The following ZNRF1 variants were observed in gnomAD, a reference collection of about 807,000 sequenced individuals.
ZNRF1 encodes the protein E3 ubiquitin-protein ligase ZNRF1.
ZNRF1 carries 3 observed loss-of-function variants against 18.4 expected under a neutral mutation model. That is an observed-to-expected ratio of 0.16 (90% CI 0.07 to 0.42). The LOEUF (loss-of-function observed/expected upper bound fraction) is 0.42. ZNRF1 is among the 10% of genes least tolerant of loss of function. The pLI, the probability that ZNRF1 is intolerant of heterozygous loss-of-function variation, is 0.99. For missense variants in ZNRF1, 310 were observed against 329.8 expected, an observed-to-expected ratio of 0.94 and a Z score of 0.47; for synonymous variants, 157 against 144.2, an observed-to-expected ratio of 1.09 and a Z score of -0.64.
chr16:75,031,140 T>C (rs983034176), intron 1 of ZNRF1, among the ~76,000 whole-genome samples: 2 of 149,734 alleles, frequency 1.3e-5, no homozygotes, highest in Non-Finnish European at 3.0e-5. Context: ...CCCACCTGTT[T>C]TTTTTTTTTT....
chr16:75,109,040 C>T lies in ZNRF1; in HGVS notation c.*1340C>T, dbSNP rs78114023. The T allele has an allele frequency of 0.023, 3,566 of 153,628 alleles. 160 individuals carry two copies. The highest frequency in any genetic ancestry group is 0.082 in the African/African-American group (3,422 of 41,622). 9.5% of individuals were successfully genotyped at this position (153,628 alleles called of 1,614,324 possible). ...GGATGTGGGTTCTTCCAGGTGTGGG[C>T]CCAGCCCCCCTCCTTCCAGCCTTTG... On this transcript the variant is annotated 3_prime_UTR_variant, in exon 5 of 5. Coordinates refer to ENST00000335325, the MANE Select transcript of ZNRF1 (RefSeq NM_032268.5).
At chr16:75,038,192 C>T (rs1279643709) in intron 1 of ZNRF1, among the ~76,000 whole-genome samples, 1 of 152,162 alleles carries the variant, frequency 6.6e-6, no homozygotes, top group Non-Finnish European at 1.5e-5. Flanking sequence ...CTTGGGAATT[C>T]AGGCAGGGCT....
intron 1 of ZNRF1, among the ~76,000 whole-genome samples, chr16:75,023,544 C>G (rs1043183536): frequency 6.6e-6 from 1 of 152,040 alleles, no homozygotes; most frequent in Admixed American, 6.6e-5. Flanking sequence ...ATTAGTTGGG[C>G]GTGGTGGCAG....
rs1398216816 is a variant in ZNRF1 at position 75,082,909 on chromosome 16, A to T, written c.425-10663A>T. Among the ~76,000 whole-genome samples, 3 of 152,216 alleles carry T rather than the reference A, an allele frequency of 2.0e-5. No homozygotes were observed. The East Asian group carries it at 5.8e-4, about 29-fold the overall frequency. On this transcript the variant is annotated intron_variant, in intron 1 of 4. Coordinates refer to ENST00000335325, the MANE Select transcript of ZNRF1 (RefSeq NM_032268.5). ...ATTCAGTCTGTATGATTTTTCAGAT[A>T]TTCATATATGTATTTTTCATATGTT... is the stretch of plus-strand genomic sequence containing the variant.
chr16:75,034,845 TC>T (rs1254200192), intron 1 of ZNRF1, among the ~76,000 whole-genome samples: 2 of 152,190 alleles, frequency 1.3e-5, no homozygotes, highest in East Asian at 3.9e-4. Context: ...CAGGCTGGTC[TC>T]AAACTCCTGG....
chr16:75,032,627 A>G (rs146348123), intron 1 of ZNRF1, among the ~76,000 whole-genome samples: 45 of 152,336 alleles, frequency 3.0e-4, no homozygotes, highest in Middle Eastern at 3.4e-3. Context: ...ACAGAATGGG[A>G]GAAAAATTTT....
intron 1 of ZNRF1, among the ~76,000 whole-genome samples, chr16:75,003,632 T>A (rs2034881517): frequency 6.6e-6 from 1 of 152,186 alleles, no homozygotes; most frequent in Non-Finnish European, 1.5e-5. Context: ...ACCAGTACCC[T>A]CTTCCGCCTC....
intron 1 of ZNRF1, among the ~76,000 whole-genome samples, chr16:75,026,501 CT>C (rs1273206262): frequency 6.6e-6 from 1 of 152,120 alleles, no homozygotes; most frequent in African/African-American, 2.4e-5. Flanking sequence ...TGGAAAAATT[CT>C]GTAATGATTT....
chr16:75,031,241 C>A (rs1487676736), intron 1 of ZNRF1, among the ~76,000 whole-genome samples: 1 of 151,786 alleles, frequency 6.6e-6, no homozygotes, highest in Admixed American at 6.6e-5. Context: ...AAGTCATTCT[C>A]CTGCCTCAGC....
At chr16:75,106,783 A>T (rs1355629639) in intron 4 of ZNRF1, 1 of 519,012 alleles carries the variant, frequency 1.9e-6, no homozygotes, top group Non-Finnish European at 3.5e-6. Flanking sequence ...AGTTATGAAG[A>T]ACAGGCTCAG....
intron 1 of ZNRF1, among the ~76,000 whole-genome samples, chr16:75,035,981 C>A (rs748272480): frequency 6.6e-6 from 1 of 152,178 alleles, no homozygotes; most frequent in Non-Finnish European, 1.5e-5. Flanking sequence ...GGGAGACTAC[C>A]GTTCTCTGGC....
intron 1 of ZNRF1, among the ~76,000 whole-genome samples, chr16:75,022,345 CGAG>C (rs1205213237): frequency 1.3e-5 from 2 of 151,680 alleles, no homozygotes; most frequent in African/African-American, 4.8e-5. Context: ...GGGTGGATCA[CGAG>C]GTCAGGAGAT....
intron 1 of ZNRF1, among the ~76,000 whole-genome samples, chr16:75,032,945 C>T (rs758142256): frequency 6.6e-6 from 1 of 152,110 alleles, no homozygotes; most frequent in Middle Eastern, 3.2e-3. Flanking sequence ...CCAAGGTGTT[C>T]AAGGCTGTAG....
intron 1 of ZNRF1, among the ~76,000 whole-genome samples, chr16:75,013,347 C>A (rs568110023): frequency 6.8e-6 from 1 of 147,362 alleles, no homozygotes; most frequent in East Asian, 1.9e-4. Context: ...TCTGTCCATT[C>A]AATTTTTTTT....
intron 2 of ZNRF1, among the ~76,000 whole-genome samples, chr16:75,099,109 A>G (rs147985441): frequency 2.6e-5 from 4 of 152,280 alleles, no homozygotes; most frequent in Non-Finnish European, 5.9e-5. Context: ...AGACACCCTT[A>G]TGGCCTGGTC....
intron 1 of ZNRF1, among the ~76,000 whole-genome samples, chr16:75,009,867 T>C (rs1354060202): frequency 6.6e-6 from 1 of 152,200 alleles, no homozygotes; most frequent in South Asian, 2.1e-4. Flanking sequence ...ATAGTATTCA[T>C]TTGCATTTCT....
intron 1 of ZNRF1, among the ~76,000 whole-genome samples, chr16:75,079,905 T>G (rs2035988910): frequency 6.6e-6 from 1 of 151,948 alleles, no homozygotes; most frequent in Non-Finnish European, 1.5e-5. Flanking sequence ...GGTGTTTTTG[T>G]TTTTTGTTTT....
chr16:75,087,451 G>A (rs1388896383), intron 1 of ZNRF1, among the ~76,000 whole-genome samples: 2 of 152,230 alleles, frequency 1.3e-5, no homozygotes, highest in African/African-American at 4.8e-5. Flanking sequence ...GGAAGCAGCT[G>A]GACTCTGGCT....
At chr16:75,106,305 A>C in intron 3 of ZNRF1, 177 bp from the exon 4 acceptor site, 1 of 632,338 alleles carries the variant, frequency 1.6e-6, no homozygotes, top group South Asian at 1.8e-5. Context: ...CTTGGTGTTC[A>C]CCCTTCTTCG....
Sources: gnomAD v4.1 joint callset for allele counts (sites outside exome capture counted in the v4.1 genomes callset) on GRCh38, gnomAD v4.1.1 for gene constraint, MANE v1.5 for transcripts, NCBI Gene and HGNC (gene_info 2026-07-23, HGNC 2026-07-21) for gene names.